ARHGEF38: variants seen among roughly 807,000 people sequenced by gnomAD.
The protein encoded by ARHGEF38 is Rho guanine nucleotide exchange factor (GEF) 38.
A neutral mutation model predicts 79.9 loss-of-function variants in ARHGEF38; 79 were observed. That is an observed-to-expected ratio of 0.99 (90% CI 0.82 to 1.19). ARHGEF38 has a LOEUF of 1.19. Among genes scored for constraint, ARHGEF38 ranks in the 50% most tolerant of loss-of-function variants. The probability of loss-of-function intolerance (pLI) is 0.00; values close to 1 mark genes in which losing one functional copy is unlikely to be tolerated. For missense variants in ARHGEF38, 962 were observed against 907.2 expected (o/e 1.06, Z -0.78); for synonymous variants, 366 against 328.3 (o/e 1.11, Z -1.24).
chr4:105,582,873 G>A (rs1726863283), intron 1 of ARHGEF38, among the ~76,000 whole-genome samples: 1 of 151,900 alleles, frequency 6.6e-6, no homozygotes, highest in Non-Finnish European at 1.5e-5. Flanking sequence ...CTAATGAATG[G>A]GACACTTTAT....
intron 1 of ARHGEF38, among the ~76,000 whole-genome samples, chr4:105,587,033 G>A (rs555001047): frequency 2.6e-5 from 4 of 152,024 alleles, no homozygotes; most frequent in Admixed American, 2.6e-4. Context: ...CTCTCATAAG[G>A]TGTCCTGTCT....
chr4:105,619,275 G>A (rs550278224), intron 3 of ARHGEF38, among the ~76,000 whole-genome samples: 14 of 151,528 alleles, frequency 9.2e-5, no homozygotes, highest in Non-Finnish European at 1.5e-4. Context: ...TGCTTGTGAG[G>A]GGAGAGGCCC....
At chr4:105,622,852 T>A (rs907651837) in intron 3 of ARHGEF38, among the ~76,000 whole-genome samples, 2 of 152,210 alleles carry the variant, frequency 1.3e-5, no homozygotes, top group Non-Finnish European at 2.9e-5. Context: ...CATTCTATTT[T>A]GCACACATGT....
At chr4:105,665,335 A>G (rs1377116642) in intron 10 of ARHGEF38, among the ~76,000 whole-genome samples, 3 of 152,038 alleles carry the variant, frequency 2.0e-5, no homozygotes, top group Non-Finnish European at 2.9e-5. Flanking sequence ...TCTACTAAAA[A>G]TACAAAAAAT....
At chr4:105,654,690 A>G (rs1730250586) in intron 8 of ARHGEF38, among the ~76,000 whole-genome samples, 2 of 152,224 alleles carry the variant, frequency 1.3e-5, no homozygotes, top group Admixed American at 1.3e-4. Flanking sequence ...ACCCTTTGAG[A>G]ATCACTGATT....
In ARHGEF38 at chr4:105,634,708, T is replaced by C. The variant is rs139294747; in HGVS notation, c.657-1695T>C. Among the ~76,000 whole-genome samples, 739 of 131,174 alleles carry C rather than the reference T, an allele frequency of 5.6e-3. 7 individuals carry two copies. Among genetic ancestry groups the C allele is most frequent in the African/African-American group, 0.028 (688 of 24,540 alleles). 86.1% of individuals were successfully genotyped at this position (131,174 alleles called of 152,430 possible). A position where few individuals can be genotyped will look rare whatever the true frequency, so the allele number is the denominator to read the frequency against. ...TGTTTATTTTGTAATAGAAAGAGAA[T>C]GAAGGGGATTTTCTAAGTTTTTGAT... On this transcript the variant is annotated intron_variant, in intron 4 of 13. Transcript: ENST00000420470.
At chr4:105,670,482 G>T (rs1359907850) in intron 13 of ARHGEF38, among the ~76,000 whole-genome samples, 2 of 151,266 alleles carry the variant, frequency 1.3e-5, no homozygotes, top group African/African-American at 4.9e-5. Context: ...AAAAAAACTG[G>T]GTCATTTTCC....
chr4:105,668,707 T>TA (rs1553950236), intron 13 of ARHGEF38, among the ~76,000 whole-genome samples: 46 of 148,528 alleles, frequency 3.1e-4, no homozygotes, highest in Admixed American at 8.2e-4. Context: ...GATAGATAGA[T>TA]GATAGATAGA....
intron 7 of ARHGEF38, among the ~76,000 whole-genome samples, chr4:105,653,564 G>A (rs958005603): frequency 3.3e-5 from 5 of 152,124 alleles, no homozygotes; most frequent in African/African-American, 1.2e-4. Context: ...CTCGTGATCC[G>A]CCCGCCTTGG....
intron 2 of ARHGEF38, among the ~76,000 whole-genome samples, chr4:105,605,101 G>T (rs557007881): frequency 6.6e-6 from 1 of 152,142 alleles, no homozygotes; most frequent in African/African-American, 2.4e-5. Flanking sequence ...GAAAAGGAAG[G>T]CAAGACCACC....
intron 2 of ARHGEF38, among the ~76,000 whole-genome samples, chr4:105,598,623 G>T (rs1254841643): frequency 6.6e-6 from 1 of 151,866 alleles, no homozygotes; most frequent in African/African-American, 2.4e-5. Context: ...TGAAGAATAA[G>T]ATACATTACA....
At chr4:105,644,109 C>G (rs1729738843) in intron 5 of ARHGEF38, among the ~76,000 whole-genome samples, 1 of 152,068 alleles carries the variant, frequency 6.6e-6, no homozygotes, top group African/African-American at 2.4e-5. Flanking sequence ...CTCAAGTAAT[C>G]TGCCTGCCTT....
chr4:105,646,794 T>C (rs1301278879), intron 6 of ARHGEF38, among the ~76,000 whole-genome samples: 1 of 151,568 alleles, frequency 6.6e-6, no homozygotes, highest in East Asian at 1.9e-4. Flanking sequence ...AAAAAGTAGG[T>C]GTATCAATGG....
At chr4:105,573,341 C>T (rs932603366) in intron 1 of ARHGEF38, among the ~76,000 whole-genome samples, 2 of 152,170 alleles carry the variant, frequency 1.3e-5, no homozygotes, top group South Asian at 4.2e-4. Flanking sequence ...AATTTTTGCC[C>T]TATGTTTTCC....
chr4:105,651,022 C>G (rs1014878071), intron 7 of ARHGEF38, among the ~76,000 whole-genome samples: 3 of 152,130 alleles, frequency 2.0e-5, no homozygotes, highest in African/African-American at 4.8e-5. Context: ...CAATTCCCCC[C>G]CCAAGTCTTT....
chr4:105,667,827 C>G, intron 13 of ARHGEF38, 124 bp downstream of exon 13: 2 of 1,129,716 alleles, frequency 1.8e-6, no homozygotes, highest in East Asian at 5.1e-5. Context: ...AGACCTGGCT[C>G]TATTAGCACA....
chr4:105,606,779 G>A (rs1398542837), intron 2 of ARHGEF38, among the ~76,000 whole-genome samples: 6 of 152,014 alleles, frequency 3.9e-5, no homozygotes, highest in Non-Finnish European at 8.8e-5. Flanking sequence ...ACTATTTGAA[G>A]TATATAATTT....
intron 3 of ARHGEF38, among the ~76,000 whole-genome samples, chr4:105,616,305 C>T (rs1728505139): frequency 6.6e-6 from 1 of 152,056 alleles, no homozygotes; most frequent in Non-Finnish European, 1.5e-5. Context: ...TAAAGAACTA[C>T]CTGAGACTGG....
At chr4:105,584,409 A>G (rs988243915) in intron 1 of ARHGEF38, among the ~76,000 whole-genome samples, 1 of 152,242 alleles carries the variant, frequency 6.6e-6, no homozygotes, top group Non-Finnish European at 1.5e-5. Context: ...GCACTGTTAC[A>G]AGTGTTTTAC....
Sources: gnomAD v4.1 joint callset for allele counts (sites outside exome capture counted in the v4.1 genomes callset) on GRCh38, gnomAD v4.1.1 for gene constraint, MANE v1.5 for transcripts, NCBI Gene and HGNC (gene_info 2026-07-23, HGNC 2026-07-21) for gene names.